Variants in CD200R1L observed in about 807,000 individuals in gnomAD.
CD200R1L encodes the protein cell surface glycoprotein CD200 receptor 2.
A neutral mutation model predicts 24.8 loss-of-function variants in CD200R1L; 14 were observed. The ratio of observed to expected loss-of-function variants is 0.56; its 90% CI spans 0.37 to 0.88. The LOEUF is 0.88. Among genes scored for constraint, CD200R1L ranks in the 40% least tolerant of loss-of-function variants. The probability of loss-of-function intolerance (pLI) is 0.00; values close to 1 mark genes in which losing one functional copy is unlikely to be tolerated. For missense variants in CD200R1L, 299 were observed against 297.8 expected, an observed-to-expected ratio of 1.00 and a Z score of -0.03; for synonymous variants, 111 against 109.2, an observed-to-expected ratio of 1.02 and a Z score of -0.11.
At chr3:112,818,682 G>A (rs1938454716) in intron 7 of CD200R1L, 1 of 154,316 alleles carries the variant, frequency 6.5e-6, no homozygotes, top group Admixed American at 6.5e-5. Context: ...CCCAAAGGGT[G>A]TATAAAAACT....
At chr3:112,834,372 T>C (rs139008480) in intron 3 of CD200R1L, among the ~76,000 whole-genome samples, 8 of 151,896 alleles carry the variant, frequency 5.3e-5, no homozygotes, top group Admixed American at 5.3e-4. Context: ...AATTTGTGCT[T>C]CCAAATCCCA....
At chr3:112,823,891 G>C (rs771238783) in intron 6 of CD200R1L, among the ~76,000 whole-genome samples, 47 of 151,736 alleles carry the variant, frequency 3.1e-4, no homozygotes, top group Non-Finnish European at 6.2e-4. Context: ...CACATGCATG[G>C]GGTACAGGAT....
Position 112,823,212 on chromosome 3 carries a change from C to T in CD200R1L, c.617-3317G>A, listed in dbSNP as rs867693483. Among the ~76,000 whole-genome samples, 15 of 152,304 alleles carry T rather than the reference C, an allele frequency of 9.8e-5. No homozygotes were observed. The South Asian group carries it at 1.7e-3, about 17-fold the overall frequency. On this transcript the variant is annotated intron_variant, in intron 6 of 7. Transcript: ENST00000488794. ...CCATTCCTTTGGAGTCTGTGTTACC[C>T]GAATGGCTGTTCTCAGACTTTTGCT...
In CD200R1L at chr3:112,845,761, T is replaced by C; in HGVS notation, c.-169A>G. On this transcript the variant is annotated 5_prime_UTR_variant, in exon 2 of 8. Transcript: ENST00000488794. The stretch of plus-strand genomic sequence containing the variant: ...TATGCTTTTGGAGTGGTTTTCTACT[T>C]AAACATAAATCCACTTTAAATCAAT... 6.4e-7 allele frequency: 1 copy of C among 1,554,088 alleles called. No homozygotes were observed.
chr3:112,824,700 T>C (rs1166908442), intron 6 of CD200R1L, among the ~76,000 whole-genome samples: 1 of 152,180 alleles, frequency 6.6e-6, no homozygotes, highest in African/African-American at 2.4e-5. Flanking sequence ...GAGCATTGTG[T>C]CAGAAGCATT....
intron 6 of CD200R1L, among the ~76,000 whole-genome samples, chr3:112,825,475 T>C (rs1938636475): frequency 6.7e-6 from 1 of 150,326 alleles, no homozygotes; most frequent in Non-Finnish European, 1.5e-5. Flanking sequence ...AAGAAGCTAA[T>C]TAAGTGAACA....
intron 6 of CD200R1L, among the ~76,000 whole-genome samples, chr3:112,824,883 A>G (rs1479919883): frequency 6.6e-6 from 1 of 152,120 alleles, no homozygotes; most frequent in African/African-American, 2.4e-5. Context: ...TTCAACAGGA[A>G]TTGATCAAAT....
Position 112,845,874 on chromosome 3 carries a change from G to T in CD200R1L, c.-282C>A. The T allele has an allele frequency of 4.9e-6, 3 of 607,130 alleles. No individual in the cohort carries two copies. The highest frequency in any genetic ancestry group is 8.7e-6 in the Non-Finnish European group (3 of 344,302). 37.6% of individuals were successfully genotyped at this position (607,130 alleles called of 1,614,324 possible). On this transcript the variant is annotated 5_prime_UTR_variant, in exon 2 of 8. Transcript: ENST00000488794. ...GCAAAACATATTTCTTCATTATCTTGCTTATCTTTAATTTTTGCTGTCATT... is the reference window on the plus strand; with the variant it reads ...GCAAAACATATTTCTTCATTATCTTTCTTATCTTTAATTTTTGCTGTCATT...
rs117830553 is a variant in CD200R1L, at chr3:112,822,593, A to T, written c.617-2698T>A. ...GTTGGCACTCCCAGAGACATCACGG[A>T]AGCTCCTTCCCCCATACCTTGCCCT... On this transcript the variant is annotated intron_variant, in intron 6 of 7. Coordinates refer to ENST00000488794, the MANE Select transcript of CD200R1L (RefSeq NM_001199215.3). Among the ~76,000 whole-genome samples, 10 of 152,280 alleles carry T rather than the reference A, an allele frequency of 6.6e-5. No individual in the cohort carries two copies. In the East Asian group the frequency reaches 1.9e-3, roughly 29 times the overall value.
intron 6 of CD200R1L, among the ~76,000 whole-genome samples, chr3:112,826,670 G>C (rs1399949263): frequency 6.6e-6 from 1 of 152,072 alleles, no homozygotes; most frequent in African/African-American, 2.4e-5. Flanking sequence ...ACTACTACAA[G>C]AAATAAAATC....
At chr3:112,825,669 A>C (rs996279928) in intron 6 of CD200R1L, among the ~76,000 whole-genome samples, 43 of 152,186 alleles carry the variant, frequency 2.8e-4, no homozygotes, top group African/African-American at 9.9e-4. Flanking sequence ...TTAATGTTTG[A>C]GGAAGTCATA....
Position 112,829,319 on chromosome 3 carries a change from C to T in CD200R1L, c.49G>A (p.Gly17Ser). The change falls in exon 4 of 8, where the codon GGT (glycine) becomes AGT (serine). Residue 17 changes from glycine (G) to serine (S), a missense_variant and splice_region_variant. Gly to Ser is a moderately conservative substitution (Grantham distance 56). Transcript: ENST00000488794. ...TQNYSTIFAEGNISQPVLMDI... is the reference protein window; with the variant it reads ...TQNYSTIFAESNISQPVLMDI... ...GGCCACTACTAAGGGAGCATATTAC[C>T]TTCTGCAAAAATTGTTGAATAGTTC... The T allele has an allele frequency of 6.2e-7, 1 of 1,613,120 alleles. No homozygotes were observed. Among genetic ancestry groups the T allele is most frequent in the Non-Finnish European group, 8.5e-7 (1 of 1,179,054 alleles).
intron 6 of CD200R1L, among the ~76,000 whole-genome samples, chr3:112,820,488 C>T (rs542722017): frequency 5.3e-5 from 8 of 152,060 alleles, no homozygotes; most frequent in African/African-American, 1.4e-4. Flanking sequence ...TCTAGTGCAG[C>T]GGCGCAATCT....
chr3:112,825,550 G>A (rs927665300), intron 6 of CD200R1L, among the ~76,000 whole-genome samples: 6 of 151,662 alleles, frequency 4.0e-5, no homozygotes, highest in Non-Finnish European at 7.4e-5. Context: ...CATTTTCTGC[G>A]CAGGGAGACA....
chr3:112,838,551 A>G lies in CD200R1L; in HGVS notation c.-86-541T>C, dbSNP rs116750963. Among the ~76,000 whole-genome samples, 932 of 152,188 alleles carry G rather than the reference A, an allele frequency of 6.1e-3. 10 individuals carry two copies. Among genetic ancestry groups the G allele is most frequent in the African/African-American group, 0.021 (884 of 41,550 alleles). On this transcript the variant is annotated intron_variant, in intron 2 of 7. Transcript: ENST00000488794. ...AATGACAAAGAAACAGGAAACCATG[A>G]GATCATTTGCTGGTCTCAATAACAG...
At position 112,815,880 on chromosome 3, in the gene CD200R1L, T is replaced by C. The variant is rs776911586; in HGVS notation, c.*83A>G. Reference sequence around the variant, plus strand: ...CCTTAACATCATCCATGGCCCAAGTTCACTGCTGGACCATCACTCATCTCA... The same window carrying C: ...CCTTAACATCATCCATGGCCCAAGTCCACTGCTGGACCATCACTCATCTCA... On this transcript the variant is annotated 3_prime_UTR_variant, in exon 8 of 8. Coordinates refer to ENST00000488794, the MANE Select transcript of CD200R1L (RefSeq NM_001199215.3). 6 of 764,232 alleles carry C rather than the reference T, an allele frequency of 7.9e-6. No homozygotes were observed. The highest frequency in any genetic ancestry group is 1.8e-5 in the Admixed American group (1 of 55,226). The allele number at this position is 764,232 out of a possible 1,614,324, so 47.3% of individuals were successfully genotyped here. A position where few individuals can be genotyped will look rare whatever the true frequency, so the allele number is the denominator to read the frequency against.
At chr3:112,819,738 CTG>C in intron 7 of CD200R1L, 32 bp downstream of exon 7, 1 of 1,542,908 alleles carries the variant, frequency 6.5e-7, no homozygotes, top group Admixed American at 2.3e-5. Context: ...TTTTTTTCTA[CTG>C]TGTCTTATGC....
chr3:112,833,101 G>A (rs931960725), intron 3 of CD200R1L, among the ~76,000 whole-genome samples: 25 of 152,140 alleles, frequency 1.6e-4, no homozygotes, highest in Admixed American at 1.4e-3. Context: ...ATCCCCTCTC[G>A]AAAAAAGGAC....
chr3:112,830,498 GTTTTTT>G (rs11391916), intron 3 of CD200R1L, among the ~76,000 whole-genome samples: 2 of 102,034 alleles, frequency 2.0e-5, no homozygotes, highest in Non-Finnish European at 3.8e-5. Flanking sequence ...TGTCATTGCA[GTTTTTT>G]TTTTTTTTTT....
Sources: gnomAD v4.1 joint callset for allele counts (sites outside exome capture counted in the v4.1 genomes callset) on GRCh38, gnomAD v4.1.1 for gene constraint, MANE v1.5 for transcripts, NCBI Gene and HGNC (gene_info 2026-07-23, HGNC 2026-07-21) for gene names.